Variants in MAPK1IP1L observed in about 807,000 individuals in gnomAD.
MAPK1IP1L encodes the protein mitogen-activated protein kinase 1 interacting protein 1 like.
In MAPK1IP1L, 10 loss-of-function variants were observed where a neutral mutation model predicts 18.1. That is an observed-to-expected ratio of 0.55 (90% confidence interval 0.34 to 0.94). The LOEUF (loss-of-function observed/expected upper bound fraction) is 0.94. Ranked by LOEUF, MAPK1IP1L falls within the 40% of genes least tolerant of loss-of-function variation. The probability of loss-of-function intolerance (pLI) is 0.02; values close to 1 mark genes in which losing one functional copy is unlikely to be tolerated. For missense variants in MAPK1IP1L, 260 were observed against 318.2 expected, an observed-to-expected ratio of 0.82 and a Z score of 1.39; for synonymous variants, 115 against 117.3, an observed-to-expected ratio of 0.98 and a Z score of 0.13.
At position 55,066,982 on chromosome 14, in the gene MAPK1IP1L, CCA is replaced by C. The variant is rs2042867426; in HGVS notation, c.*2356_*2357del. Reference sequence around the variant, plus strand: ...GTGCTATCTTGGTTCACTGCAAGCTCCATCTCCCAGGTTCACACCATTCTCCT... The same window carrying C: ...GTGCTATCTTGGTTCACTGCAAGCTCTCTCCCAGGTTCACACCATTCTCCT... On this transcript the variant is annotated 3_prime_UTR_variant, in exon 4 of 4. Transcript: ENST00000395468. 1 of 151,500 alleles carries C rather than the reference CCA, an allele frequency of 6.6e-6. No individual in the cohort carries two copies. The allele number at this position is 151,500 out of a possible 1,614,324, so 9.4% of individuals were successfully genotyped here.
At chr14:55,064,565 A>G (rs764537493) in intron 3 of MAPK1IP1L, 51 bp from the exon 4 acceptor site, 22 of 1,559,896 alleles carry the variant, frequency 1.4e-5, no homozygotes, top group Admixed American at 5.1e-5. Flanking sequence ...AGGAGTTAAT[A>G]AACTCCATTT....
Position 55,067,865 on chromosome 14 carries a change from A to G in MAPK1IP1L, c.*3238A>G, listed in dbSNP as rs1250599558. 3 of 152,234 alleles carry G rather than the reference A, an allele frequency of 2.0e-5. No individual in the cohort carries two copies. The South Asian group carries it at 6.2e-4, about 31-fold the overall frequency. The allele number at this position is 152,234 out of a possible 1,614,324, so 9.4% of individuals were successfully genotyped here. ...TTGGGCTTCAGAGGAAGAATTTTCA[A>G]ATCTAATGGAAATAGTTGAGGTGTT... On this transcript the variant is annotated 3_prime_UTR_variant, in exon 4 of 4. Transcript: ENST00000395468.
At chr14:55,057,671 G>C (rs747102046) in intron 1 of MAPK1IP1L, among the ~76,000 whole-genome samples, 1 of 151,694 alleles carries the variant, frequency 6.6e-6, no homozygotes, top group African/African-American at 2.4e-5. Context: ...CACGAGAATC[G>C]CTTAAACTGA....
intron 3 of MAPK1IP1L, 91 bp downstream of exon 3, chr14:55,063,416 G>A: frequency 8.6e-7 from 1 of 1,162,392 alleles, no homozygotes; most frequent in Non-Finnish European, 1.2e-6. Flanking sequence ...AGATTAAGAA[G>A]GCTTTTAAGT....
intron 1 of MAPK1IP1L, among the ~76,000 whole-genome samples, chr14:55,059,225 G>GAAAAAAAAAAAAAAAAAAAAAAAACA (rs3078612): frequency 1.6e-5 from 1 of 63,282 alleles, no homozygotes; most frequent in African/African-American, 5.8e-5. Context: ...AGGAAAATCT[G>GAAAAAAAAAAAAAAAAAAAAAAAACA]AAAAAAAAAA....
intron 2 of MAPK1IP1L, among the ~76,000 whole-genome samples, chr14:55,062,185 A>G (rs1047619170): frequency 5.3e-5 from 8 of 152,228 alleles, no homozygotes; most frequent in Non-Finnish European, 7.3e-5. Context: ...GTGAAAGTGT[A>G]CTACATGAAA....
intron 1 of MAPK1IP1L, among the ~76,000 whole-genome samples, chr14:55,056,125 G>C (rs1007323748): frequency 2.0e-5 from 3 of 152,244 alleles, no homozygotes; most frequent in Admixed American, 1.3e-4. Context: ...CCTATGCTTA[G>C]GGCTTTGTTT....
rs1479299035 is a variant in MAPK1IP1L at position 55,068,144 on chromosome 14, CAA to C, written c.*3518_*3519del. On this transcript the variant is annotated 3_prime_UTR_variant, in exon 4 of 4. Coordinates refer to ENST00000395468, the MANE Select transcript of MAPK1IP1L (RefSeq NM_144578.4). ...AATATATTGATTATTCAGAAATAGA[CAA>C]TACATTTTTTAATTACCCAAGGACT... 1.3e-5 allele frequency: 2 copies of C among 152,170 alleles called. No individual in the cohort carries two copies. The highest frequency in any genetic ancestry group is 4.8e-5 in the African/African-American group (2 of 41,390). The allele number at this position is 152,170 out of a possible 1,614,324, so 9.4% of individuals were successfully genotyped here.
At chr14:55,056,473 G>A (rs140017605) in intron 1 of MAPK1IP1L, among the ~76,000 whole-genome samples, 1 of 152,232 alleles carries the variant, frequency 6.6e-6, no homozygotes, top group Non-Finnish European at 1.5e-5. Flanking sequence ...TGTGATTGAC[G>A]TTAAACCTTA....
rs2042894072 is a variant in MAPK1IP1L at position 55,070,129 on chromosome 14, G to A, written c.*5502G>A. The A allele has an allele frequency of 6.6e-6, 1 of 152,192 alleles. No homozygotes were observed. The highest frequency in any genetic ancestry group is 1.9e-4 in the East Asian group (1 of 5,206). The allele number at this position is 152,192 out of a possible 1,614,324, so 9.4% of individuals were successfully genotyped here. A position where few individuals can be genotyped will look rare whatever the true frequency, so the allele number is the denominator to read the frequency against. ...TTTGATATGTTATTCAATATCCCATGAAAGTATTCACCTAAAGTGGAGTTA... is the reference window on the plus strand; with the variant it reads ...TTTGATATGTTATTCAATATCCCATAAAAGTATTCACCTAAAGTGGAGTTA... On this transcript the variant is annotated 3_prime_UTR_variant, in exon 4 of 4. Transcript: ENST00000395468.
At chr14:55,055,798 C>T (rs564106212) in intron 1 of MAPK1IP1L, among the ~76,000 whole-genome samples, 1 of 152,226 alleles carries the variant, frequency 6.6e-6, no homozygotes, top group South Asian at 2.1e-4. Context: ...GGCGTGGTGG[C>T]ACGTGCCTAT....
chr14:55,052,534 G>C (rs1033829890), intron 1 of MAPK1IP1L, among the ~76,000 whole-genome samples: 2 of 152,162 alleles, frequency 1.3e-5, no homozygotes, highest in Non-Finnish European at 2.9e-5. Flanking sequence ...CAAGAGTACA[G>C]CTTTTAATAG....
chr14:55,069,417 G>C lies in MAPK1IP1L; in HGVS notation c.*4790G>C, dbSNP rs1026277006. 1 of 152,574 alleles carries C rather than the reference G, an allele frequency of 6.6e-6. No homozygotes were observed. The highest frequency in any genetic ancestry group is 1.5e-5 in the Non-Finnish European group (1 of 68,032). 9.5% of individuals were successfully genotyped at this position (152,574 alleles called of 1,614,324 possible). On this transcript the variant is annotated 3_prime_UTR_variant, in exon 4 of 4. Coordinates refer to ENST00000395468, the MANE Select transcript of MAPK1IP1L (RefSeq NM_144578.4). ...GTATTTGTAAACAAAGACAAATGTT[G>C]CTTTAAGAAGTAATTATAATTAGGA...
At chr14:55,064,134 A>C (rs2042843425) in intron 3 of MAPK1IP1L, among the ~76,000 whole-genome samples, 1 of 144,702 alleles carries the variant, frequency 6.9e-6, no homozygotes, top group South Asian at 2.2e-4. Flanking sequence ...AGCTGGGATT[A>C]CAGGCGTGTG....
At position 55,065,799 on chromosome 14, in the gene MAPK1IP1L, T is replaced by C. The variant is rs2042857987; in HGVS notation, c.*1172T>C. 6.6e-6 allele frequency: 1 copy of C among 152,230 alleles called. No individual in the cohort carries two copies. The allele number at this position is 152,230 out of a possible 1,614,324, so 9.4% of individuals were successfully genotyped here. ...TTTCCTGAGTCTGTTTGTAAAGTGC[T>C]TATGGCTAACAGTTCAGTTCTGTAT... On this transcript the variant is annotated 3_prime_UTR_variant, in exon 4 of 4. Coordinates refer to ENST00000395468, the MANE Select transcript of MAPK1IP1L (RefSeq NM_144578.4).
rs983153471 is a variant in MAPK1IP1L, at chr14:55,065,613, T to C, written c.*986T>C. ...CACACATCCCTTGATTCCTCCCTGA[T>C]GTGGTAAACTGGCACACTCCAGGGG... On this transcript the variant is annotated 3_prime_UTR_variant, in exon 4 of 4. Transcript: ENST00000395468. 3.3e-5 allele frequency: 5 copies of C among 152,172 alleles called. No homozygotes were observed. Among genetic ancestry groups the C allele is most frequent in the Non-Finnish European group, 7.3e-5 (5 of 68,046 alleles). The allele number at this position is 152,172 out of a possible 1,614,324, so 9.4% of individuals were successfully genotyped here. A position where few individuals can be genotyped will look rare whatever the true frequency, so the allele number is the denominator to read the frequency against.
At chr14:55,059,225 G>GAAAAAAAAAAAA (rs3078612) in intron 1 of MAPK1IP1L, among the ~76,000 whole-genome samples, 15 of 63,272 alleles carry the variant, frequency 2.4e-4, no homozygotes, top group South Asian at 6.4e-4. Context: ...AGGAAAATCT[G>GAAAAAAAAAAAA]AAAAAAAAAA....
chr14:55,052,185 C>A lies in MAPK1IP1L; in HGVS notation c.-5+382C>A, dbSNP rs61975399. Among the ~76,000 whole-genome samples, 789 of 150,824 alleles carry A rather than the reference C, an allele frequency of 5.2e-3. 4 individuals carry two copies. Among genetic ancestry groups the A allele is most frequent in the Non-Finnish European group, 9.4e-3 (640 of 67,802 alleles). ...CCGGTTCGCTCCGGTTGATCCCGGA[C>A]TCCCTTTGTTCGTGCGTCCCTAAAC... On this transcript the variant is annotated intron_variant, in intron 1 of 3. Coordinates refer to ENST00000395468, the MANE Select transcript of MAPK1IP1L (RefSeq NM_144578.4).
At chr14:55,054,043 T>G (rs977648861) in intron 1 of MAPK1IP1L, among the ~76,000 whole-genome samples, 3 of 152,110 alleles carry the variant, frequency 2.0e-5, no homozygotes, top group Admixed American at 2.0e-4. Context: ...ATGGTGGCAC[T>G]CAAAAAGATT....
Sources: allele counts gnomAD v4.1 joint callset (sites outside exome capture counted in the v4.1 genomes callset), GRCh38; gene constraint gnomAD v4.1.1; transcripts MANE v1.5; gene names NCBI Gene and HGNC (gene_info 2026-07-23, HGNC 2026-07-21).